Variants in TRMT9B observed in about 807,000 individuals in gnomAD.
TRMT9B encodes tRNA methyltransferase 9B (putative), also known as probable tRNA methyltransferase 9B.
TRMT9B carries 16 observed loss-of-function variants against 11.5 expected under a neutral mutation model. That is an observed-to-expected ratio of 1.39 (90% CI 0.94 to 2.11). The LOEUF (loss-of-function observed/expected upper bound fraction) is 2.11. Among genes scored for constraint, TRMT9B ranks in the 30% most tolerant of loss-of-function variants. TRMT9B has a pLI of 0.00. For missense variants in TRMT9B, 941 were observed against 553.8 expected, an observed-to-expected ratio of 1.70 and a Z score of -7.02; for synonymous variants, 274 against 192.4, an observed-to-expected ratio of 1.42 and a Z score of -3.51.
rs1184596145 is a variant in TRMT9B, at chr8:13,027,104, A to G, written c.*5060A>G. The G allele has an allele frequency of 6.0e-6, 1 of 167,092 alleles. No homozygotes were observed. Among genetic ancestry groups the G allele is most frequent in the African/African-American group, 2.4e-5 (1 of 41,458 alleles). 10.4% of individuals were successfully genotyped at this position (167,092 alleles called of 1,614,324 possible). A position where few individuals can be genotyped will look rare whatever the true frequency, so the allele number is the denominator to read the frequency against. On this transcript the variant is annotated 3_prime_UTR_variant, in exon 5 of 5. Transcript: ENST00000524591. The stretch of plus-strand genomic sequence containing the variant: ...CATTTTATAAGTAAGGCAACTGAGG[A>G]CTATTCAGATATTTCATTCACTCCA...
At chr8:12,982,671 A>G (rs1805608636) in intron 1 of TRMT9B, among the ~76,000 whole-genome samples, 1 of 152,154 alleles carries the variant, frequency 6.6e-6, no homozygotes, top group Non-Finnish European at 1.5e-5. Flanking sequence ...CAAAAAAAAA[A>G]AAATCATAAT....
Position 13,021,396 on chromosome 8 carries a change from T to G in TRMT9B, c.717T>G (p.Phe239Leu). 1 of 1,614,054 alleles carries G rather than the reference T, an allele frequency of 6.2e-7. No individual in the cohort carries two copies. Among genetic ancestry groups the G allele is most frequent in the Non-Finnish European group, 8.5e-7 (1 of 1,179,900 alleles). ...ISKEGEEEYG[F>L]YSTLGKSFRS... ...AGGAAGGCGAGGAAGAATATGGATT[T>G]TACAGCACATTAGGAAAATCGTTTC... Residue 239 changes from phenylalanine (F) to leucine (L), a missense_variant, in exon 5 of 5, where the codon TTT (phenylalanine) becomes TTG (leucine). Coordinates refer to ENST00000524591, the MANE Select transcript of TRMT9B (RefSeq NM_020844.3).
chr8:12,955,725 C>G (rs989429409), intron 1 of TRMT9B, among the ~76,000 whole-genome samples: 1 of 152,166 alleles, frequency 6.6e-6, no homozygotes, highest in Admixed American at 6.5e-5. Context: ...ACTATCCTAA[C>G]TATTTCGAGC....
At chr8:12,980,482 G>C (rs929668856) in intron 1 of TRMT9B, among the ~76,000 whole-genome samples, 2 of 152,152 alleles carry the variant, frequency 1.3e-5, no homozygotes, top group Admixed American at 1.3e-4. Context: ...ACCATCTCAC[G>C]GGACGGGGAG....
intron 1 of TRMT9B, among the ~76,000 whole-genome samples, chr8:12,985,512 C>G (rs927511290): frequency 3.3e-5 from 5 of 152,154 alleles, no homozygotes; most frequent in African/African-American, 1.2e-4. Flanking sequence ...TTGTATCCAC[C>G]CGTCATATGC....
chr8:13,017,685 C>A (rs968365531), intron 4 of TRMT9B, among the ~76,000 whole-genome samples: 2 of 141,488 alleles, frequency 1.4e-5, no homozygotes, highest in Admixed American at 7.5e-5. Context: ...ATGATCTTGA[C>A]TCACTTCAAC....
chr8:12,956,843 C>G lies in TRMT9B; in HGVS notation c.-200+10877C>G, dbSNP rs940604518. Among the ~76,000 whole-genome samples the G allele has an allele frequency of 2.6e-5, 4 of 152,078 alleles. No homozygotes were observed. The East Asian group carries it at 7.7e-4, about 29-fold the overall frequency. ...TCATACCCTGGTGCTTGTCAGATTC[C>G]TTTTTTTCCAAACTATTGAAGTAGA... On this transcript the variant is annotated intron_variant, in intron 1 of 4. Transcript: ENST00000524591.
At chr8:12,995,721 G>A (rs1470685858) in intron 2 of TRMT9B, among the ~76,000 whole-genome samples, 2 of 152,130 alleles carry the variant, frequency 1.3e-5, no homozygotes, top group African/African-American at 4.8e-5. Flanking sequence ...TCTATTAGTT[G>A]TGTGTGTTTC....
At chr8:12,958,012 A>C (rs985545301) in intron 1 of TRMT9B, among the ~76,000 whole-genome samples, 4 of 152,198 alleles carry the variant, frequency 2.6e-5, no homozygotes, top group African/African-American at 9.6e-5. Context: ...CCACTTATAT[A>C]GTATATTAGT....
chr8:12,973,661 G>T (rs1038967191), intron 1 of TRMT9B, among the ~76,000 whole-genome samples: 1 of 152,100 alleles, frequency 6.6e-6, no homozygotes, highest in Admixed American at 6.5e-5. Context: ...AGGGGTGGAT[G>T]ACATGGAACT....
At chr8:12,986,120 C>G (rs1806262959) in intron 1 of TRMT9B, among the ~76,000 whole-genome samples, 1 of 152,118 alleles carries the variant, frequency 6.6e-6, no homozygotes, top group South Asian at 2.1e-4. Flanking sequence ...TCCCGGCCTC[C>G]CAAAGTGCTG....
At chr8:13,017,052 A>G (rs1164627248) in intron 4 of TRMT9B, among the ~76,000 whole-genome samples, 1 of 144,136 alleles carries the variant, frequency 6.9e-6, no homozygotes, top group Admixed American at 6.9e-5. Context: ...TGAACCCAGG[A>G]GGCAGAGGTT....
chr8:13,010,522 C>G, intron 3 of TRMT9B: 3 of 983,212 alleles, frequency 3.1e-6, no homozygotes, highest in Non-Finnish European at 3.6e-6. Flanking sequence ...TTTTATTGTT[C>G]ACATTCAAGA....
rs1183152122 is a variant in TRMT9B, at chr8:13,026,608, C to T, written c.*4564C>T. ...TCATTAATTTATATGCAGTCCTCAC[C>T]ACAGCCCTCCAAGATAACTATACTT... is the stretch of plus-strand genomic sequence containing the variant. On this transcript the variant is annotated 3_prime_UTR_variant, in exon 5 of 5. Coordinates refer to ENST00000524591, the MANE Select transcript of TRMT9B (RefSeq NM_020844.3). 6.0e-6 allele frequency: 1 copy of T among 167,018 alleles called. No homozygotes were observed. The highest frequency in any genetic ancestry group is 1.5e-5 in the Non-Finnish European group (1 of 68,114). 10.3% of individuals were successfully genotyped at this position (167,018 alleles called of 1,614,324 possible). A position where few individuals can be genotyped will look rare whatever the true frequency, so the allele number is the denominator to read the frequency against.
intron 1 of TRMT9B, among the ~76,000 whole-genome samples, chr8:12,949,550 G>T (rs553983117): frequency 6.6e-6 from 1 of 152,212 alleles, no homozygotes; most frequent in African/African-American, 2.4e-5. Context: ...TGCCGCTTAT[G>T]ATGGCCTCAA....
intron 1 of TRMT9B, among the ~76,000 whole-genome samples, chr8:12,981,583 C>A (rs1027921592): frequency 6.6e-6 from 1 of 151,688 alleles, no homozygotes; most frequent in Non-Finnish European, 1.5e-5. Context: ...GCTTTCCTTT[C>A]TTTCTTTTAT....
chr8:12,983,011 A>G (rs1310747219), intron 1 of TRMT9B, among the ~76,000 whole-genome samples: 1 of 152,212 alleles, frequency 6.6e-6, no homozygotes, highest in Non-Finnish European at 1.5e-5. Context: ...GTTCCCCACG[A>G]TGCCCCACAT....
At chr8:12,996,169 T>A (rs1808300991) in intron 2 of TRMT9B, among the ~76,000 whole-genome samples, 1 of 152,208 alleles carries the variant, frequency 6.6e-6, no homozygotes, top group African/African-American at 2.4e-5. Context: ...ATTATTATAG[T>A]TGTGCTACTT....
chr8:12,994,460 C>G (rs889952742), intron 2 of TRMT9B, among the ~76,000 whole-genome samples: 2 of 152,230 alleles, frequency 1.3e-5, no homozygotes, highest in Non-Finnish European at 2.9e-5. Context: ...CTCTTTCTCC[C>G]TTTCCTTTCT....
Sources: allele counts gnomAD v4.1 joint callset (sites outside exome capture counted in the v4.1 genomes callset), GRCh38; gene constraint gnomAD v4.1.1; transcripts MANE v1.5; gene names NCBI Gene and HGNC (gene_info 2026-07-23, HGNC 2026-07-21).